MAML3: variants seen among roughly 807,000 people sequenced by gnomAD.
MAML3 encodes mastermind-like protein 3.
Under a neutral mutation model 101.9 loss-of-function variants are expected in MAML3, and 27 were observed. The observed-to-expected ratio is 0.27, with a 90% CI of 0.20 to 0.37. The LOEUF is 0.37. MAML3 is among the 10% of genes least tolerant of loss of function. The probability of loss-of-function intolerance (pLI) is 1.00; values close to 1 mark genes in which losing one functional copy is unlikely to be tolerated. For missense variants in MAML3, 1,316 were observed against 1,444.9 expected (o/e 0.91, Z 1.45); for synonymous variants, 501 against 555.9 (o/e 0.90, Z 1.39).
chr4:140,031,416 G>T (rs1055391278), intron 1 of MAML3, among the ~76,000 whole-genome samples: 5 of 152,128 alleles, frequency 3.3e-5, no homozygotes, highest in Non-Finnish European at 5.9e-5. Flanking sequence ...CTGCTGCAGA[G>T]AACAAAAAGT....
At chr4:139,803,087 C>G (rs1260160013) in intron 2 of MAML3, among the ~76,000 whole-genome samples, 1 of 152,070 alleles carries the variant, frequency 6.6e-6, no homozygotes, top group African/African-American at 2.4e-5. Flanking sequence ...AGTGGTGAAC[C>G]CTCCATGAGG....
chr4:139,948,597 G>A (rs1041061114), intron 1 of MAML3, among the ~76,000 whole-genome samples: 4 of 152,198 alleles, frequency 2.6e-5, no homozygotes, highest in African/African-American at 9.7e-5. Context: ...ATTCCCTAAA[G>A]GATGACACTA....
At chr4:139,913,556 A>G (rs950318455) in intron 1 of MAML3, among the ~76,000 whole-genome samples, 1 of 152,158 alleles carries the variant, frequency 6.6e-6, no homozygotes, top group African/African-American at 2.4e-5. Flanking sequence ...GTGCGAACAG[A>G]TGAAGCCATC....
chr4:139,854,535 T>C (rs886594117), intron 2 of MAML3, among the ~76,000 whole-genome samples: 5 of 150,894 alleles, frequency 3.3e-5, no homozygotes, highest in African/African-American at 1.2e-4. Flanking sequence ...TGATGTTAAG[T>C]GACAGTATCA....
At chr4:139,816,916 T>C (rs1730901151) in intron 2 of MAML3, among the ~76,000 whole-genome samples, 1 of 152,180 alleles carries the variant, frequency 6.6e-6, no homozygotes, top group South Asian at 2.1e-4. Context: ...AATGTGCTAG[T>C]CATTCCTAAA....
chr4:139,726,123 T>A (rs1286960409), intron 3 of MAML3, among the ~76,000 whole-genome samples: 2 of 152,218 alleles, frequency 1.3e-5, no homozygotes, highest in Non-Finnish European at 1.5e-5. Context: ...TGGGCATCAC[T>A]GTCCTAACTT....
In MAML3 at chr4:140,109,292, A is replaced by G. The variant is rs76465609; in HGVS notation, c.468+43568T>C. Among the ~76,000 whole-genome samples, 66 of 152,294 alleles carry G rather than the reference A, an allele frequency of 4.3e-4. No individual in the cohort carries two copies. In the East Asian group the frequency reaches 0.011, roughly 26 times the overall value. On this transcript the variant is annotated intron_variant, in intron 1 of 4. Coordinates refer to ENST00000509479, the MANE Select transcript of MAML3 (RefSeq NM_018717.5). The stretch of plus-strand genomic sequence containing the variant: ...TATGCATAACAGACTACAACTCTAT[A>G]CTCTATGCAGTAGTTACAGTGCCCT...
chr4:139,843,488 T>G (rs938160740), intron 2 of MAML3, among the ~76,000 whole-genome samples: 4 of 152,222 alleles, frequency 2.6e-5, no homozygotes, highest in Non-Finnish European at 5.9e-5. Context: ...CTGACAGGTC[T>G]TAATTACCCA....
At chr4:140,050,577 C>T (rs1055994214) in intron 1 of MAML3, among the ~76,000 whole-genome samples, 12 of 152,246 alleles carry the variant, frequency 7.9e-5, no homozygotes, top group African/African-American at 2.6e-4. Flanking sequence ...GTTCCACTGC[C>T]GTGGGCTCCA....
intron 3 of MAML3, among the ~76,000 whole-genome samples, chr4:139,726,776 C>T (rs536154328): frequency 1.9e-4 from 29 of 152,336 alleles, no homozygotes; most frequent in African/African-American, 7.0e-4. Context: ...CTTTCTTCTT[C>T]CACTCACGGG....
chr4:140,082,543 T>A (rs1727875417), intron 1 of MAML3, among the ~76,000 whole-genome samples: 2 of 152,112 alleles, frequency 1.3e-5, no homozygotes, highest in Non-Finnish European at 2.9e-5. Flanking sequence ...CACAGTAGTG[T>A]CGTTACTATG....
At chr4:140,076,814 C>T (rs948248709) in intron 1 of MAML3, among the ~76,000 whole-genome samples, 8 of 152,116 alleles carry the variant, frequency 5.3e-5, no homozygotes, top group South Asian at 2.1e-4. Flanking sequence ...AGACAGCTCG[C>T]GGGCAGACAC....
At chr4:140,018,315 T>C (rs1159745263) in intron 1 of MAML3, among the ~76,000 whole-genome samples, 1 of 152,132 alleles carries the variant, frequency 6.6e-6, no homozygotes, top group African/African-American at 2.4e-5. Context: ...AATGTGCAAA[T>C]ATTAGAAACA....
intron 2 of MAML3, among the ~76,000 whole-genome samples, chr4:139,873,155 G>T (rs1427369901): frequency 6.6e-6 from 1 of 152,110 alleles, no homozygotes; most frequent in Non-Finnish European, 1.5e-5. Flanking sequence ...TAAAAGCAAG[G>T]CTTCACATTT....
chr4:139,834,663 T>C (rs1354650522), intron 2 of MAML3, among the ~76,000 whole-genome samples: 3 of 152,186 alleles, frequency 2.0e-5, no homozygotes, highest in African/African-American at 7.2e-5. Context: ...CCAATCCTCA[T>C]TAGGTTGGGC....
chr4:139,813,264 A>C (rs1482874308), intron 2 of MAML3, among the ~76,000 whole-genome samples: 2 of 152,194 alleles, frequency 1.3e-5, no homozygotes, highest in African/African-American at 4.8e-5. Context: ...GAACATCATA[A>C]AATTATCAAT....
intron 1 of MAML3, among the ~76,000 whole-genome samples, chr4:139,996,943 G>C (rs370474821): frequency 9.2e-5 from 14 of 151,926 alleles, no homozygotes; most frequent in African/African-American, 3.1e-4. Flanking sequence ...TGTAATCTCA[G>C]CTACTTGGGA....
chr4:140,115,564 A>G (rs1728504089), intron 1 of MAML3, among the ~76,000 whole-genome samples: 1 of 152,212 alleles, frequency 6.6e-6, no homozygotes, highest in Admixed American at 6.5e-5. Context: ...TGCCTTCAGC[A>G]GACCCCAGGA....
chr4:140,109,964 A>G (rs918459063), intron 1 of MAML3, among the ~76,000 whole-genome samples: 1 of 152,210 alleles, frequency 6.6e-6, no homozygotes, highest in East Asian at 1.9e-4. Flanking sequence ...GCTCTTCAAA[A>G]TTATTTTATT....
Sources: allele counts gnomAD v4.1 joint callset (sites outside exome capture counted in the v4.1 genomes callset), GRCh38; gene constraint gnomAD v4.1.1; transcripts MANE v1.5; gene names NCBI Gene and HGNC (gene_info 2026-07-23, HGNC 2026-07-21).